Variants in RNF175 observed in about 807,000 individuals in gnomAD.
RNF175 encodes the protein ring finger protein 175.
A neutral mutation model predicts 50.0 loss-of-function variants in RNF175; 38 were observed. That is an observed-to-expected ratio of 0.76 (90% CI 0.59 to 1.00). The LOEUF is 1.00. Among genes scored for constraint, RNF175 ranks in the 50% least tolerant of loss-of-function variants. The pLI, the probability that RNF175 is intolerant of heterozygous loss-of-function variation, is 0.00. For missense variants in RNF175, 388 were observed against 409.6 expected (o/e 0.95, Z 0.46); for synonymous variants, 155 against 146.1 (o/e 1.06, Z -0.44).
rs191366317 is a variant in RNF175 at position 153,757,697 on chromosome 4, C to T, written c.66+2100G>A. Among the ~76,000 whole-genome samples, 16 of 151,992 alleles carry T rather than the reference C, an allele frequency of 1.1e-4. No homozygotes were observed. The East Asian group carries it at 2.3e-3, about 22-fold the overall frequency. On this transcript the variant is annotated intron_variant, in intron 1 of 8. Transcript: ENST00000347063. ...GTCCTCTCAGCTCTCAGGAGAAATCCGAGCCTGGAAAGCAAGCCTTAGACA... is the reference window on the plus strand; with the variant it reads ...GTCCTCTCAGCTCTCAGGAGAAATCTGAGCCTGGAAAGCAAGCCTTAGACA...
chr4:153,757,638 C>T (rs940388950), intron 1 of RNF175, among the ~76,000 whole-genome samples: 11 of 152,030 alleles, frequency 7.2e-5, no homozygotes, highest in African/African-American at 2.4e-4. Flanking sequence ...TATGGCCTGC[C>T]CCCAGGCAGA....
intron 4 of RNF175, among the ~76,000 whole-genome samples, chr4:153,725,292 C>T (rs773240254): frequency 6.6e-6 from 1 of 152,140 alleles, no homozygotes; most frequent in Non-Finnish European, 1.5e-5. Flanking sequence ...TTTCATTTGT[C>T]AGTACTGAGC....
chr4:153,710,181 A>G lies in RNF175; in HGVS notation c.*188T>C. 2 of 488,956 alleles carry G rather than the reference A, an allele frequency of 4.1e-6. No homozygotes were observed. Among genetic ancestry groups the G allele is most frequent in the Admixed American group, 7.3e-5 (2 of 27,426 alleles). The allele number at this position is 488,956 out of a possible 1,614,324, so 30.3% of individuals were successfully genotyped here. Reference sequence around the variant, plus strand: ...GCTGTAATGGGAAAGATGAAAAAACATGCTTTATTTGTTTATTCCATTGTT... The same window carrying G: ...GCTGTAATGGGAAAGATGAAAAAACGTGCTTTATTTGTTTATTCCATTGTT... On this transcript the variant is annotated 3_prime_UTR_variant, in exon 9 of 9. Coordinates refer to ENST00000347063, the MANE Select transcript of RNF175 (RefSeq NM_173662.4).
chr4:153,748,928 T>A (rs1426542216), intron 2 of RNF175, 142 bp from the exon 3 acceptor site: 3 of 716,178 alleles, frequency 4.2e-6, no homozygotes, highest in Non-Finnish European at 6.6e-6. Flanking sequence ...TAAGGGTTGG[T>A]AAGCTTTGAT....
chr4:153,759,084 T>C (rs935512837), intron 1 of RNF175, among the ~76,000 whole-genome samples: 1 of 152,206 alleles, frequency 6.6e-6, no homozygotes, highest in African/African-American at 2.4e-5. Context: ...TTTGGGTTCC[T>C]CCAGGTAAGA....
At chr4:153,755,669 C>CCCA (rs1553959401) in intron 1 of RNF175, among the ~76,000 whole-genome samples, 1 of 146,846 alleles carries the variant, frequency 6.8e-6, no homozygotes, top group Non-Finnish European at 1.5e-5. Context: ...CCCACCCCCG[C>CCCA]AAAAAAAATG....
chr4:153,744,651 G>T (rs1739873752), intron 3 of RNF175, among the ~76,000 whole-genome samples: 7 of 152,048 alleles, frequency 4.6e-5, no homozygotes, highest in Admixed American at 4.6e-4. Flanking sequence ...TATGAATCCA[G>T]GTTTCTTCCT....
At chr4:153,750,012 T>C (rs1467068302) in intron 2 of RNF175, among the ~76,000 whole-genome samples, 1 of 152,130 alleles carries the variant, frequency 6.6e-6, no homozygotes, top group East Asian at 1.9e-4. Flanking sequence ...TTTTCAGGCA[T>C]CCCATGTGAT....
intron 2 of RNF175, among the ~76,000 whole-genome samples, chr4:153,750,975 A>G (rs1740264189): frequency 6.6e-6 from 1 of 152,190 alleles, no homozygotes; most frequent in East Asian, 1.9e-4. Context: ...TGAAAAGTAT[A>G]TATTGGTGTA....
intron 3 of RNF175, among the ~76,000 whole-genome samples, chr4:153,743,532 T>C (rs571316024): frequency 6.6e-6 from 1 of 152,126 alleles, no homozygotes; most frequent in South Asian, 2.1e-4. Context: ...CCTGAATCTG[T>C]CCTTGACTAT....
chr4:153,710,165 G>C lies in RNF175; in HGVS notation c.*204C>G, dbSNP rs1472925526. On this transcript the variant is annotated 3_prime_UTR_variant, in exon 9 of 9. Coordinates refer to ENST00000347063, the MANE Select transcript of RNF175 (RefSeq NM_173662.4). ...CATGAGTTAAGAAACAGCTGTAATG[G>C]GAAAGATGAAAAAACATGCTTTATT... is the stretch of plus-strand genomic sequence containing the variant. 1 of 454,972 alleles carries C rather than the reference G, an allele frequency of 2.2e-6. No individual in the cohort carries two copies. Among genetic ancestry groups the C allele is most frequent in the Non-Finnish European group, 3.9e-6 (1 of 256,172 alleles). The allele number at this position is 454,972 out of a possible 1,614,324, so 28.2% of individuals were successfully genotyped here. A position where few individuals can be genotyped will look rare whatever the true frequency, so the allele number is the denominator to read the frequency against.
chr4:153,733,427 T>C (rs1211941019), intron 3 of RNF175, among the ~76,000 whole-genome samples: 1 of 152,226 alleles, frequency 6.6e-6, no homozygotes, highest in Non-Finnish European at 1.5e-5. Context: ...GTAAGTAACC[T>C]GGCTCCCACT....
At chr4:153,742,111 C>T (rs758232284) in intron 3 of RNF175, among the ~76,000 whole-genome samples, 6 of 151,756 alleles carry the variant, frequency 4.0e-5, no homozygotes, top group Non-Finnish European at 7.4e-5. Flanking sequence ...CCCGTCTCTA[C>T]TAAAATAAAA....
In RNF175 at chr4:153,748,734, C is replaced by G. The variant is rs34803482; in HGVS notation, c.157G>C (p.Val53Leu). The G allele has an allele frequency of 0.027, 42,895 of 1,611,272 alleles. 705 individuals carry two copies. Among genetic ancestry groups the G allele is most frequent in the Non-Finnish European group, 0.032 (38,302 of 1,178,728 alleles). Residue 53 changes from valine (V) to leucine (L), a missense_variant, in exon 3 of 9, where the codon GTG becomes CTG. Val to Leu is a conservative substitution (Grantham distance 32). Coordinates refer to ENST00000347063, the MANE Select transcript of RNF175 (RefSeq NM_173662.4). ...KMHRGHDSMHVEMILIFLCVL... is the reference protein window; with the variant it reads ...KMHRGHDSMHLEMILIFLCVL... ...CAGAGGAAGATCAAGATCATTTCCA[C>G]GTGCATGGAATCGTGGCCCCGGTGC...
At chr4:153,715,387 C>T in intron 7 of RNF175, 142 bp downstream of exon 7, 5 of 780,342 alleles carry the variant, frequency 6.4e-6, no homozygotes, top group Non-Finnish European at 8.8e-6. Context: ...CAGGAAGACT[C>T]GACTGGGCTG....
intron 4 of RNF175, among the ~76,000 whole-genome samples, chr4:153,725,045 G>A (rs539086444): frequency 5.6e-5 from 6 of 106,792 alleles, no homozygotes; most frequent in African/African-American, 1.1e-4. Flanking sequence ...GGTAGGCTGC[G>A]TGGGGGAGCG....
At chr4:153,750,604 C>T (rs1332449022) in intron 2 of RNF175, among the ~76,000 whole-genome samples, 2 of 152,096 alleles carry the variant, frequency 1.3e-5, no homozygotes, top group Non-Finnish European at 2.9e-5. Flanking sequence ...GGCTCTTAGT[C>T]TCTCTATTGG....
chr4:153,758,774 T>TA (rs879870299), intron 1 of RNF175, among the ~76,000 whole-genome samples: 162 of 144,308 alleles, frequency 1.1e-3, no homozygotes, highest in Middle Eastern at 3.6e-3. Context: ...ATCCCAATAT[T>TA]AAAAAAAAAA....
intron 4 of RNF175, among the ~76,000 whole-genome samples, chr4:153,724,423 T>C (rs932712138): frequency 4.6e-5 from 7 of 152,214 alleles, no homozygotes; most frequent in Non-Finnish European, 1.0e-4. Flanking sequence ...GCTAGAAAGC[T>C]GCTTACAAGG....
Sources: gnomAD v4.1 joint callset for allele counts (sites outside exome capture counted in the v4.1 genomes callset) on GRCh38, gnomAD v4.1.1 for gene constraint, MANE v1.5 for transcripts, NCBI Gene and HGNC (gene_info 2026-07-23, HGNC 2026-07-21) for gene names.